TMEM53: variants seen among roughly 807,000 people sequenced by gnomAD.
The protein encoded by TMEM53 is novel DUF829 domain-containing protein.
Under a neutral mutation model 21.4 loss-of-function variants are expected in TMEM53, and 14 were observed. The ratio of observed to expected loss-of-function variants is 0.65; its 90% confidence interval spans 0.43 to 1.02. The LOEUF is 1.02. Ranked by LOEUF, TMEM53 falls within the 50% of genes least tolerant of loss-of-function variation. TMEM53 has a pLI of 0.00. For missense variants in TMEM53, 323 were observed against 383.6 expected, an observed-to-expected ratio of 0.84 and a Z score of 1.32; for synonymous variants, 148 against 157.4, an observed-to-expected ratio of 0.94 and a Z score of 0.45.
At position 44,663,448 on chromosome 1, in the gene TMEM53, C is replaced by A. The variant is rs567741193; in HGVS notation, c.62-3153G>T. Among the ~76,000 whole-genome samples, 8 of 152,256 alleles carry A rather than the reference C, an allele frequency of 5.3e-5. No individual in the cohort carries two copies. In the South Asian group the frequency reaches 1.5e-3, roughly 28 times the overall value. The stretch of plus-strand genomic sequence containing the variant: ...TAGAGATGGGGTTTCACCATGTTGA[C>A]CAGGCTGGTGTCGAACTCCTGAGCT... On this transcript the variant is annotated intron_variant, in intron 1 of 2. Coordinates refer to ENST00000372237, the MANE Select transcript of TMEM53 (RefSeq NM_024587.4).
At chr1:44,673,319 A>G (rs903523853) in intron 1 of TMEM53, among the ~76,000 whole-genome samples, 1 of 152,202 alleles carries the variant, frequency 6.6e-6, no homozygotes, top group Non-Finnish European at 1.5e-5. Flanking sequence ...TTTTATGGAG[A>G]GCAGAGTATA....
At chr1:44,669,253 A>G (rs981604535) in intron 1 of TMEM53, among the ~76,000 whole-genome samples, 9 of 152,204 alleles carry the variant, frequency 5.9e-5, no homozygotes, top group Non-Finnish European at 1.2e-4. Flanking sequence ...GTCAGTTTAT[A>G]TATTTCTACA....
At position 44,653,277 on chromosome 1, in the gene TMEM53, A is replaced by G. The variant is rs1351074223; in HGVS notation, c.*1282T>C. ...TCAATCAAATATTTATTGAATACCT[A>G]CTATATGCCAACATTGTGCAGTAGT... is the stretch of plus-strand genomic sequence containing the variant. On this transcript the variant is annotated 3_prime_UTR_variant, in exon 3 of 3. Transcript: ENST00000372237. The G allele has an allele frequency of 2.0e-5, 3 of 152,216 alleles. No individual in the cohort carries two copies. The highest frequency in any genetic ancestry group is 6.5e-5 in the Admixed American group (1 of 15,280). 9.4% of individuals were successfully genotyped at this position (152,216 alleles called of 1,614,324 possible). A position where few individuals can be genotyped will look rare whatever the true frequency, so the allele number is the denominator to read the frequency against.
intron 1 of TMEM53, among the ~76,000 whole-genome samples, chr1:44,667,103 A>C (rs1008074677): frequency 2.0e-5 from 3 of 152,068 alleles, no homozygotes; most frequent in African/African-American, 7.2e-5. Context: ...TTAGCCTCCC[A>C]AAGTACTGGG....
At chr1:44,660,388 G>A in intron 1 of TMEM53, 93 bp from the exon 2 acceptor site, 1 of 1,499,404 alleles carries the variant, frequency 6.7e-7, no homozygotes, top group East Asian at 2.4e-5. Context: ...GGCTGCTGCA[G>A]GCAGGGAACA....
At chr1:44,661,416 T>C (rs1644901357) in intron 1 of TMEM53, among the ~76,000 whole-genome samples, 1 of 138,394 alleles carries the variant, frequency 7.2e-6, no homozygotes, top group African/African-American at 2.5e-5. Context: ...TTTTTTTTTT[T>C]TAAGAGTAAA....
At chr1:44,659,430 G>C (rs1644878954) in intron 2 of TMEM53, among the ~76,000 whole-genome samples, 2 of 152,294 alleles carry the variant, frequency 1.3e-5, no homozygotes, top group Admixed American at 6.5e-5. Context: ...ATATAACCAG[G>C]TCCTGCTAAG....
At chr1:44,662,312 C>A (rs969725391) in intron 1 of TMEM53, among the ~76,000 whole-genome samples, 1 of 152,204 alleles carries the variant, frequency 6.6e-6, no homozygotes, top group Non-Finnish European at 1.5e-5. Flanking sequence ...ACCTGCCAGC[C>A]CTCCCGGCCT....
Position 44,654,490 on chromosome 1 carries a change from A to G in TMEM53, c.*69T>C. On this transcript the variant is annotated 3_prime_UTR_variant, in exon 3 of 3. Transcript: ENST00000372237. This position sits in a 1 kb window ranked among gnomAD's most constrained non-coding sequence, Gnocchi z 7.0. ...GGGAGTTGAACGAGAAGAGTGCCCG[A>G]CAGATTGCAGGTTGTGGGGAGGTGT... 3.2e-6 allele frequency: 5 copies of G among 1,540,576 alleles called. 1 individual carries two copies. The South Asian group carries it at 6.1e-5, about 19-fold the overall frequency.
chr1:44,672,788 G>C (rs1268220184), intron 1 of TMEM53, among the ~76,000 whole-genome samples: 1 of 148,514 alleles, frequency 6.7e-6, no homozygotes, highest in East Asian at 1.9e-4. Flanking sequence ...AAAAAAGAAA[G>C]GGGGGCTGAG....
intron 1 of TMEM53, among the ~76,000 whole-genome samples, chr1:44,668,692 C>G (rs1216359463): frequency 6.6e-6 from 1 of 152,056 alleles, no homozygotes; most frequent in Admixed American, 6.6e-5. Context: ...TAGGCAAGCA[C>G]CACCATGCTC....
In TMEM53 at chr1:44,655,767, C is replaced by T. The variant is rs1351304410; in HGVS notation, c.184-558G>A. Among the ~76,000 whole-genome samples the T allele has an allele frequency of 6.6e-6, 1 of 152,128 alleles. No homozygotes were observed. The highest frequency in any genetic ancestry group is 1.9e-4 in the East Asian group (1 of 5,190). ...TGAGCCAGGCCCACATCACTTTCAT[C>T]ACTGGTCACTGTCACCTTCCCTCTC... On this transcript the variant is annotated intron_variant, in intron 2 of 2. Transcript: ENST00000372237. The surrounding 1 kb of genome is among the most constrained non-coding windows in gnomAD (Gnocchi z 4.4).
At chr1:44,670,968 G>A (rs948394703) in intron 1 of TMEM53, among the ~76,000 whole-genome samples, 5 of 152,238 alleles carry the variant, frequency 3.3e-5, no homozygotes, top group African/African-American at 1.2e-4. Flanking sequence ...CTGGGCCTGG[G>A]ATGTCAGAGC....
intron 1 of TMEM53, among the ~76,000 whole-genome samples, chr1:44,663,442 T>C (rs112541675): frequency 0.012 from 1,829 of 152,306 alleles, 37 homozygotes; most frequent in African/African-American, 0.042. Context: ...GGTTTCACCA[T>C]GTTGACCAGG....
At chr1:44,657,080 G>C (rs901968968) in intron 2 of TMEM53, among the ~76,000 whole-genome samples, 6 of 152,008 alleles carry the variant, frequency 3.9e-5, no homozygotes, top group African/African-American at 9.7e-5. Flanking sequence ...TGCAGTCCCA[G>C]CTACTCGGGA....
Position 44,655,094 on chromosome 1 carries a change from T to TA in TMEM53, c.298dup (p.Tyr100LeufsTer2). ...GAGCAGGGGCTCCTTCTCAATCTCA[T>TA]AATCAAAGAGCAGCTCGAGCAGCTT... On this transcript the variant is annotated frameshift_variant, in exon 3 of 3. Transcript: ENST00000372237. LOFTEE classifies it high-confidence loss of function. The surrounding 1 kb of genome is among the most constrained non-coding windows in gnomAD (Gnocchi z 4.4). 1 of 1,614,170 alleles carries TA rather than the reference T, an allele frequency of 6.2e-7. No individual in the cohort carries two copies. The highest frequency in any genetic ancestry group is 8.5e-7 in the Non-Finnish European group (1 of 1,180,026).
At chr1:44,656,720 GAA>G (rs148588646) in intron 2 of TMEM53, among the ~76,000 whole-genome samples, 4 of 149,366 alleles carry the variant, frequency 2.7e-5, no homozygotes, top group Admixed American at 6.7e-5. Flanking sequence ...CTCTAAAAAA[GAA>G]AAAAAAAATG....
intron 1 of TMEM53, among the ~76,000 whole-genome samples, chr1:44,661,979 G>A (rs1316782026): frequency 6.6e-6 from 1 of 152,162 alleles, no homozygotes; most frequent in Non-Finnish European, 1.5e-5. Flanking sequence ...TCCCAAAAGG[G>A]CCGGCATGCA....
At chr1:44,671,800 G>C (rs559200621) in intron 1 of TMEM53, among the ~76,000 whole-genome samples, 4 of 152,146 alleles carry the variant, frequency 2.6e-5, no homozygotes, top group Non-Finnish European at 4.4e-5. Context: ...ATGGTGGCGG[G>C]TGCCTGTAGT....
Sources: gnomAD v4.1 joint callset for allele counts (sites outside exome capture counted in the v4.1 genomes callset) on GRCh38, gnomAD v4.1.1 for gene constraint, Gnocchi (gnomAD v3.1) non-coding constraint, MANE v1.5 for transcripts, NCBI Gene and HGNC (gene_info 2026-07-23, HGNC 2026-07-21) for gene names.